PRKACB: variants seen among roughly 807,000 people sequenced by gnomAD.
The protein encoded by PRKACB is protein kinase cAMP-activated catalytic subunit beta, also known as cAMP-dependent protein kinase catalytic subunit beta.
PRKACB carries 16 observed loss-of-function variants against 51.4 expected under a neutral mutation model. The ratio of observed to expected loss-of-function variants is 0.31; its 90% CI spans 0.21 to 0.47. The LOEUF (loss-of-function observed/expected upper bound fraction) is 0.47, where lower values mean the gene tolerates loss of function less well. Ranked by LOEUF, PRKACB falls within the 20% of genes least tolerant of loss-of-function variation. PRKACB has a pLI of 1.00. For synonymous variants in PRKACB, 147 were observed against 154.4 expected (o/e 0.95, Z 0.35); for missense variants, 309 against 464.5 (o/e 0.67, Z 3.08).
chr1:84,079,946 G>A (rs1312687821), intron 1 of PRKACB, among the ~76,000 whole-genome samples: 3 of 151,938 alleles, frequency 2.0e-5, no homozygotes, highest in African/African-American at 7.3e-5. Flanking sequence ...GATTACAGGC[G>A]TGAGCTACCG....
chr1:84,231,564 G>T (rs966931489), intron 9 of PRKACB, among the ~76,000 whole-genome samples: 2 of 152,154 alleles, frequency 1.3e-5, no homozygotes, highest in Admixed American at 6.5e-5. Flanking sequence ...ACTCTTTTTG[G>T]TTGGTAAGCT....
chr1:84,146,205 G>T (rs1161494730), intron 1 of PRKACB, among the ~76,000 whole-genome samples: 3 of 151,556 alleles, frequency 2.0e-5, no homozygotes, highest in African/African-American at 4.9e-5. Context: ...AAAATTAGGA[G>T]CAAACCATGT....
intron 8 of PRKACB, among the ~76,000 whole-genome samples, chr1:84,206,431 T>C (rs1360580932): frequency 6.6e-6 from 1 of 152,114 alleles, no homozygotes; most frequent in East Asian, 1.9e-4. Context: ...AGATTCAGCA[T>C]ACAGTGGTAC....
chr1:84,161,540 T>A (rs988503891), intron 1 of PRKACB, among the ~76,000 whole-genome samples: 1 of 151,864 alleles, frequency 6.6e-6, no homozygotes, highest in Non-Finnish European at 1.5e-5. Flanking sequence ...CTCTTTTCCC[T>A]TTCTACCACC....
intron 5 of PRKACB, among the ~76,000 whole-genome samples, 199 bp downstream of exon 5, chr1:84,185,381 T>G (rs1664787343): frequency 6.6e-6 from 1 of 151,758 alleles, no homozygotes; most frequent in African/African-American, 2.4e-5. Context: ...AAAAAAGGAC[T>G]TTGAAGCCAA....
intron 7 of PRKACB, 40 bp downstream of exon 7, chr1:84,197,864 A>G: frequency 7.2e-7 from 1 of 1,388,566 alleles, no homozygotes; most frequent in Non-Finnish European, 1.0e-6. Context: ...TAGAAATATG[A>G]GACATGCATC....
At chr1:84,151,930 T>A (rs375187559) in intron 1 of PRKACB, among the ~76,000 whole-genome samples, 1 of 152,226 alleles carries the variant, frequency 6.6e-6, no homozygotes, top group African/African-American at 2.4e-5. Context: ...AATCACAATG[T>A]TCTTACGGCA....
intron 4 of PRKACB, among the ~76,000 whole-genome samples, chr1:84,184,881 A>G (rs1187438250): frequency 1.3e-5 from 2 of 151,956 alleles, no homozygotes; most frequent in Non-Finnish European, 2.9e-5. Flanking sequence ...GAAAAGGAAG[A>G]GCAAAAGTCC....
intron 4 of PRKACB, among the ~76,000 whole-genome samples, chr1:84,184,390 T>C (rs1168323485): frequency 6.6e-6 from 1 of 151,900 alleles, no homozygotes; most frequent in Non-Finnish European, 1.5e-5. Context: ...TATTTCAATT[T>C]ATCAAAAACC....
chr1:84,171,601 A>T (rs536603025), intron 1 of PRKACB, among the ~76,000 whole-genome samples: 2 of 151,830 alleles, frequency 1.3e-5, no homozygotes, highest in South Asian at 4.1e-4. Context: ...TAGGAAAAGA[A>T]AATTAGATAC....
intron 1 of PRKACB, among the ~76,000 whole-genome samples, chr1:84,133,073 T>G (rs185883532): frequency 1.8e-4 from 27 of 152,116 alleles, no homozygotes; most frequent in Non-Finnish European, 3.5e-4. Context: ...ACCGTGCACA[T>G]TATATTTAAA....
chr1:84,222,640 G>T (rs1424925062), intron 9 of PRKACB, among the ~76,000 whole-genome samples: 1 of 152,048 alleles, frequency 6.6e-6, no homozygotes, highest in African/African-American at 2.4e-5. Context: ...AAATATCATT[G>T]TTTCACTTCC....
chr1:84,182,390 A>G, intron 3 of PRKACB, 62 bp downstream of exon 3: 1 of 1,308,200 alleles, frequency 7.6e-7, no homozygotes, highest in Non-Finnish European at 1.0e-6. Flanking sequence ...CTAGACTATT[A>G]AACAGATTCA....
chr1:84,102,480 C>T (rs1649426616), intron 1 of PRKACB, among the ~76,000 whole-genome samples: 1 of 152,102 alleles, frequency 6.6e-6, no homozygotes, highest in Non-Finnish European at 1.5e-5. Flanking sequence ...TTTTAGAAAT[C>T]TTAAGGACTT....
intron 1 of PRKACB, among the ~76,000 whole-genome samples, chr1:84,167,820 C>G (rs1258062268): frequency 6.6e-6 from 1 of 151,488 alleles, no homozygotes; most frequent in Non-Finnish European, 1.5e-5. Context: ...ATAGTATTTA[C>G]TTGTTCCTTT....
chr1:84,197,150 A>G (rs1427784433), intron 6 of PRKACB, among the ~76,000 whole-genome samples: 1 of 152,174 alleles, frequency 6.6e-6, no homozygotes, highest in African/African-American at 2.4e-5. Context: ...AATAAATGGT[A>G]GAGTCAGAAT....
chr1:84,209,458 G>A (rs1466748936), intron 8 of PRKACB, among the ~76,000 whole-genome samples: 1 of 152,030 alleles, frequency 6.6e-6, no homozygotes, highest in African/African-American at 2.4e-5. Flanking sequence ...ACACCTTCGA[G>A]TCCTCACTTC....
exon 1 of PRKACB, chr1:84,078,306 T>G (rs1307238357): frequency 1.9e-6 from 3 of 1,604,754 alleles, no homozygotes; most frequent in Non-Finnish European, 2.6e-6. Flanking sequence ...CCCTGACCCC[T>G]TCTTGCCATC....
chr1:84,202,974 A>G (rs1670565399), intron 8 of PRKACB, among the ~76,000 whole-genome samples, 169 bp downstream of exon 8: 2 of 152,202 alleles, frequency 1.3e-5, no homozygotes, highest in African/African-American at 4.8e-5. Flanking sequence ...CAGTCTCTTA[A>G]GAAAAAAAGG....
Sources: allele counts gnomAD v4.1 joint callset (sites outside exome capture counted in the v4.1 genomes callset), GRCh38; gene constraint gnomAD v4.1.1; transcripts MANE v1.5; gene names NCBI Gene and HGNC (gene_info 2026-07-23, HGNC 2026-07-21).